Variants in XKR4 observed in about 807,000 individuals in gnomAD.
XKR4 encodes the protein XK-related protein 4.
In XKR4, 12 loss-of-function variants were observed where a neutral mutation model predicts 53.9. That is an observed-to-expected ratio of 0.22 (90% CI 0.14 to 0.36). The LOEUF is 0.36. XKR4 is among the 10% of genes least tolerant of loss of function. The pLI, the probability that XKR4 is intolerant of heterozygous loss-of-function variation, is 1.00. For missense variants in XKR4, 799 were observed against 859.5 expected (o/e 0.93, Z 0.88); for synonymous variants, 354 against 362.4 (o/e 0.98, Z 0.26).
chr8:55,456,344 T>C (rs1048694594), intron 2 of XKR4, among the ~76,000 whole-genome samples: 1 of 151,920 alleles, frequency 6.6e-6, no homozygotes, highest in Non-Finnish European at 1.5e-5. Context: ...GGCAGGAGAA[T>C]CACTTGAACC....
At chr8:55,365,639 G>A (rs1460011732) in intron 2 of XKR4, among the ~76,000 whole-genome samples, 5 of 149,522 alleles carry the variant, frequency 3.3e-5, no homozygotes, top group South Asian at 2.1e-4. Flanking sequence ...CCCGGGAGGC[G>A]GAGGTTGCGG....
intron 2 of XKR4, among the ~76,000 whole-genome samples, chr8:55,463,687 G>C (rs569021362): frequency 1.1e-4 from 16 of 152,202 alleles, no homozygotes; most frequent in Non-Finnish European, 5.9e-5. Context: ...GAATCCAGGA[G>C]CTGGTTTTTT....
chr8:55,326,267 G>A (rs1803290649), intron 1 of XKR4, among the ~76,000 whole-genome samples: 1 of 152,104 alleles, frequency 6.6e-6, no homozygotes, highest in African/African-American at 2.4e-5. Context: ...TTTGTTTAAT[G>A]CCTACTATGC....
At chr8:55,164,006 G>GA (rs992077749) in intron 1 of XKR4, 60 of 317,120 alleles carry the variant, frequency 1.9e-4, no homozygotes, top group African/African-American at 1.3e-3. Flanking sequence ...CATGGAAGCA[G>GA]AAAAAATATT....
intron 1 of XKR4, among the ~76,000 whole-genome samples, chr8:55,246,042 C>T (rs138966027): frequency 7.9e-5 from 12 of 152,342 alleles, no homozygotes; most frequent in African/African-American, 2.9e-4. Flanking sequence ...GCAGAGATTG[C>T]AGTGAGCCAA....
At chr8:55,299,715 G>T (rs146054069) in intron 1 of XKR4, among the ~76,000 whole-genome samples, 6 of 152,110 alleles carry the variant, frequency 3.9e-5, no homozygotes, top group African/African-American at 1.2e-4. Context: ...AAGGGCCAGG[G>T]TGACAGCTGG....
chr8:55,522,416 A>T (rs1392088375), intron 2 of XKR4, among the ~76,000 whole-genome samples: 2 of 152,238 alleles, frequency 1.3e-5, no homozygotes. Flanking sequence ...AGAGTGCCAG[A>T]TTGCACTAGG....
In XKR4 at chr8:55,533,837, G is replaced by T. The variant is rs141319963; in HGVS notation, c.*9610G>T. 19 of 152,344 alleles carry T rather than the reference G, an allele frequency of 1.2e-4. No individual in the cohort carries two copies. In the East Asian group the frequency reaches 3.7e-3, roughly 29 times the overall value. The allele number at this position is 152,344 out of a possible 1,614,324, so 9.4% of individuals were successfully genotyped here. On this transcript the variant is annotated 3_prime_UTR_variant, in exon 3 of 3. Transcript: ENST00000327381. ...GTAGTACCATGACGTGCACAGGCCT[G>T]AAGAGAAATACCTCTGTGAAGTGGA...
At chr8:55,429,895 A>G (rs958125545) in intron 2 of XKR4, among the ~76,000 whole-genome samples, 4 of 152,210 alleles carry the variant, frequency 2.6e-5, no homozygotes, top group African/African-American at 9.6e-5. Context: ...CATCTGACGA[A>G]TGACTCATAT....
rs553043140 is a variant in XKR4 at position 55,407,088 on chromosome 8, A to T, written c.1006+49211A>T. On this transcript the variant is annotated intron_variant, in intron 2 of 2. Transcript: ENST00000327381. Reference sequence around the variant, plus strand: ...TTTGCCTCTCCAGCCAGCAAACCCCATCATGGCTCATCAGAGGTTTCTGTG... The same window carrying T: ...TTTGCCTCTCCAGCCAGCAAACCCCTTCATGGCTCATCAGAGGTTTCTGTG... Among the ~76,000 whole-genome samples, 6 of 152,258 alleles carry T rather than the reference A, an allele frequency of 3.9e-5. No individual in the cohort carries two copies. In the South Asian group the frequency reaches 1.2e-3, roughly 32 times the overall value.
At chr8:55,350,595 GA>G (rs1380483183) in intron 1 of XKR4, among the ~76,000 whole-genome samples, 2 of 152,132 alleles carry the variant, frequency 1.3e-5, no homozygotes, top group African/African-American at 4.8e-5. Flanking sequence ...AAGATATCCA[GA>G]GTAGTTAAAT....
At chr8:55,437,010 G>A (rs546783932) in intron 2 of XKR4, among the ~76,000 whole-genome samples, 7 of 152,202 alleles carry the variant, frequency 4.6e-5, no homozygotes, top group East Asian at 1.9e-4. Flanking sequence ...TGAAAGGTAC[G>A]GGATTTGCCG....
chr8:55,231,915 A>G (rs1818046787), intron 1 of XKR4, among the ~76,000 whole-genome samples: 1 of 152,176 alleles, frequency 6.6e-6, no homozygotes, highest in South Asian at 2.1e-4. Context: ...GCTTGGCTGT[A>G]ATCTATTCAT....
At chr8:55,203,941 T>C (rs1266839631) in intron 1 of XKR4, among the ~76,000 whole-genome samples, 1 of 152,232 alleles carries the variant, frequency 6.6e-6, no homozygotes, top group Non-Finnish European at 1.5e-5. Context: ...CTGGAGCCTT[T>C]GATTCACTGG....
At chr8:55,108,876 G>A (rs1301779315) in intron 1 of XKR4, among the ~76,000 whole-genome samples, 2 of 152,044 alleles carry the variant, frequency 1.3e-5, no homozygotes, top group Non-Finnish European at 2.9e-5. Context: ...TCCTCCTTGG[G>A]TCATATATTT....
chr8:55,296,655 G>T lies in XKR4; in HGVS notation c.807-61023G>T, dbSNP rs550212166. Among the ~76,000 whole-genome samples, 11 of 152,130 alleles carry T rather than the reference G, an allele frequency of 7.2e-5. No individual in the cohort carries two copies. The South Asian group carries it at 2.3e-3, about 32-fold the overall frequency. Reference sequence around the variant, plus strand: ...GAACCAATTATGCATAAGTAAAAAGGTCATAGTTGAGCTCCTGTTGAGATT... The same window carrying T: ...GAACCAATTATGCATAAGTAAAAAGTTCATAGTTGAGCTCCTGTTGAGATT... On this transcript the variant is annotated intron_variant, in intron 1 of 2. Transcript: ENST00000327381.
intron 1 of XKR4, among the ~76,000 whole-genome samples, chr8:55,323,352 C>T (rs1370811592): frequency 6.6e-6 from 1 of 152,178 alleles, no homozygotes; most frequent in Non-Finnish European, 1.5e-5. Flanking sequence ...GCGGTCAATC[C>T]TAACCCCAAC....
chr8:55,460,455 A>T (rs1358371564), intron 2 of XKR4, among the ~76,000 whole-genome samples: 1 of 152,252 alleles, frequency 6.6e-6, no homozygotes, highest in African/African-American at 2.4e-5. Flanking sequence ...TTTAGAAACC[A>T]ATAGATATTT....
intron 1 of XKR4, among the ~76,000 whole-genome samples, chr8:55,246,509 C>T (rs11786326): frequency 0.5 from 76,089 of 152,004 alleles, 21,920 homozygotes; most frequent in Non-Finnish European, 0.66. Context: ...CCATGTCAGC[C>T]GAGTGGCTTA....
Sources: allele counts gnomAD v4.1 joint callset (sites outside exome capture counted in the v4.1 genomes callset), GRCh38; gene constraint gnomAD v4.1.1; transcripts MANE v1.5; gene names NCBI Gene and HGNC (gene_info 2026-07-23, HGNC 2026-07-21).